Variants in DEPDC1B observed in about 807,000 individuals in gnomAD.
DEPDC1B encodes DEP domain-containing protein 1B.
In DEPDC1B, 51 loss-of-function variants were observed where a neutral mutation model predicts 66.5. That is an observed-to-expected ratio of 0.77 (90% CI 0.61 to 0.97). The LOEUF is 0.97. Among genes scored for constraint, DEPDC1B ranks in the 50% least tolerant of loss-of-function variants. DEPDC1B has a pLI of 0.00. For missense variants in DEPDC1B, 552 were observed against 637.1 expected, an observed-to-expected ratio of 0.87 and a Z score of 1.44; for synonymous variants, 226 against 223.6, an observed-to-expected ratio of 1.01 and a Z score of -0.10.
At position 60,613,833 on chromosome 5, in the gene DEPDC1B, C is replaced by T. The variant is rs796362332; in HGVS notation, c.899-7977G>A. ...GTGTGTGTGTGTGTGTGTGTGTATACATAAAAAACAGATGTAGGGTCATTG... is the reference window on the plus strand; with the variant it reads ...GTGTGTGTGTGTGTGTGTGTGTATATATAAAAAACAGATGTAGGGTCATTG... On this transcript the variant is annotated intron_variant, in intron 7 of 10. Transcript: ENST00000265036. Among the ~76,000 whole-genome samples, 151 of 62,308 alleles carry T rather than the reference C, an allele frequency of 2.4e-3. 1 individual carries two copies. Among genetic ancestry groups the T allele is most frequent in the African/African-American group, 9.2e-3 (131 of 14,300 alleles). 40.9% of individuals were successfully genotyped at this position (62,308 alleles called of 152,430 possible).
rs1177080928 is a variant in DEPDC1B, at chr5:60,597,226, A to G, written c.*527T>C. On this transcript the variant is annotated 3_prime_UTR_variant, in exon 11 of 11. Transcript: ENST00000265036. ...TAAATCTGCAATAAAAGACATAGCT[A>G]TCACAATATAAGACATTAAAAAATT... 6.5e-6 allele frequency: 1 copy of G among 152,698 alleles called. No homozygotes were observed. Among genetic ancestry groups the G allele is most frequent in the African/African-American group, 2.4e-5 (1 of 41,464 alleles). The allele number at this position is 152,698 out of a possible 1,614,324, so 9.5% of individuals were successfully genotyped here.
chr5:60,616,661 T>C (rs1338573018), intron 7 of DEPDC1B, among the ~76,000 whole-genome samples: 2 of 152,170 alleles, frequency 1.3e-5, no homozygotes, highest in African/African-American at 2.4e-5. Flanking sequence ...CTATATCTGA[T>C]TGGTGTACCT....
At chr5:60,651,411 C>A (rs530089409) in intron 2 of DEPDC1B, among the ~76,000 whole-genome samples, 1 of 151,776 alleles carries the variant, frequency 6.6e-6, no homozygotes, top group Non-Finnish European at 1.5e-5. Flanking sequence ...GCCTGTAATT[C>A]CAGCTACTCG....
intron 2 of DEPDC1B, among the ~76,000 whole-genome samples, chr5:60,679,717 G>C (rs551327448): frequency 6.6e-6 from 1 of 152,262 alleles, no homozygotes; most frequent in South Asian, 2.1e-4. Context: ...AGTGATGAGA[G>C]CAAGTCAGGA....
At chr5:60,650,966 C>T (rs954780741) in intron 2 of DEPDC1B, among the ~76,000 whole-genome samples, 1 of 152,192 alleles carries the variant, frequency 6.6e-6, no homozygotes, top group African/African-American at 2.4e-5. Context: ...TCTTGTATAA[C>T]TCATTATTAT....
chr5:60,615,520 G>T (rs887740530), intron 7 of DEPDC1B, among the ~76,000 whole-genome samples: 2 of 152,220 alleles, frequency 1.3e-5, no homozygotes, highest in Admixed American at 6.5e-5. Context: ...GGCTCGGAGG[G>T]TCCTACGCCC....
intron 2 of DEPDC1B, among the ~76,000 whole-genome samples, chr5:60,653,517 G>A (rs774642407): frequency 2.2e-4 from 33 of 152,048 alleles, no homozygotes; most frequent in Admixed American, 3.9e-4. Context: ...TGTCAGGTGC[G>A]TACTTTGTGA....
chr5:60,613,128 A>G (rs1437124430), intron 7 of DEPDC1B, among the ~76,000 whole-genome samples: 1 of 152,222 alleles, frequency 6.6e-6, no homozygotes, highest in African/African-American at 2.4e-5. Context: ...CAAAGTCTGC[A>G]TAACAAAAAC....
chr5:60,615,337 G>T (rs891974270), intron 7 of DEPDC1B, among the ~76,000 whole-genome samples: 1 of 152,146 alleles, frequency 6.6e-6, no homozygotes. Flanking sequence ...GTGAGCCAAA[G>T]AATGGTGACG....
chr5:60,696,192 T>G (rs1220982933), intron 1 of DEPDC1B, among the ~76,000 whole-genome samples: 1 of 152,216 alleles, frequency 6.6e-6, no homozygotes, highest in Non-Finnish European at 1.5e-5. Flanking sequence ...TTCAATTCAT[T>G]GCATTCTCCC....
intron 2 of DEPDC1B, among the ~76,000 whole-genome samples, chr5:60,685,686 A>C (rs1470428680): frequency 6.6e-6 from 1 of 152,192 alleles, no homozygotes; most frequent in East Asian, 1.9e-4. Context: ...TCATCCAGAG[A>C]ATCTTTCAGA....
rs78644736 is a variant in DEPDC1B at position 60,692,459 on chromosome 5, T to C, written c.49-5232A>G. 3.7e-3 allele frequency among the ~76,000 whole-genome samples: 562 copies of C among 152,282 alleles called. 5 individuals are homozygous for C. The highest frequency in any genetic ancestry group is 0.024 in the East Asian group (123 of 5,188). On this transcript the variant is annotated intron_variant, in intron 1 of 10. Coordinates refer to ENST00000265036, the MANE Select transcript of DEPDC1B (RefSeq NM_018369.3). ...TATATACAACTATAATTTGTCAGTT[T>C]ACAACTTACAAAACTAAAATTTTTT...
chr5:60,641,550 T>C (rs956693893), intron 6 of DEPDC1B, among the ~76,000 whole-genome samples: 2 of 151,940 alleles, frequency 1.3e-5, no homozygotes, highest in African/African-American at 4.8e-5. Flanking sequence ...ATGGTCTCCA[T>C]CTCCTGACCT....
At chr5:60,634,587 G>A (rs2111835552) in intron 7 of DEPDC1B, among the ~76,000 whole-genome samples, 1 of 151,286 alleles carries the variant, frequency 6.6e-6, no homozygotes, top group African/African-American at 2.4e-5. Flanking sequence ...CAGGAGAATG[G>A]TGTGAACCCA....
At chr5:60,620,142 A>C (rs1752668223) in intron 7 of DEPDC1B, among the ~76,000 whole-genome samples, 1 of 152,236 alleles carries the variant, frequency 6.6e-6, no homozygotes, top group Admixed American at 6.5e-5. Context: ...AATTAATTCA[A>C]GATGGATTAA....
chr5:60,663,485 A>G (rs959344442), intron 2 of DEPDC1B, among the ~76,000 whole-genome samples: 1 of 152,196 alleles, frequency 6.6e-6, no homozygotes, highest in South Asian at 2.1e-4. Flanking sequence ...ATGCTTTCCC[A>G]AATACCAGAG....
In DEPDC1B at chr5:60,653,111, T is replaced by G. The variant is rs375986720; in HGVS notation, c.315-5578A>C. 4.1e-4 allele frequency among the ~76,000 whole-genome samples: 61 copies of G among 149,480 alleles called. 7 individuals carry two copies. The highest frequency in any genetic ancestry group is 1.5e-3 in the African/African-American group (59 of 39,790). On this transcript the variant is annotated intron_variant, in intron 2 of 10. Coordinates refer to ENST00000265036, the MANE Select transcript of DEPDC1B (RefSeq NM_018369.3). ...TTTTTCGTATAATGACTTCCTTTCC[T>G]CTGGGTCGATACCCAGTTGTGGGAT...
intron 2 of DEPDC1B, among the ~76,000 whole-genome samples, chr5:60,660,257 GGAGAGAGACAGA>G (rs1171816106): frequency 1.2e-4 from 18 of 147,098 alleles, no homozygotes; most frequent in South Asian, 2.2e-4. Flanking sequence ...GAGACAGAGA[GGAGAGAGACAGA>G]GAGAGAGACA....
At chr5:60,668,180 ATT>A (rs1444455687) in intron 2 of DEPDC1B, among the ~76,000 whole-genome samples, 450 of 7,272 alleles carry the variant, frequency 0.062, 117 homozygotes, top group Middle Eastern at 0.2. Flanking sequence ...TAAAATGGAT[ATT>A]TTATATATAT....
Sources: allele counts gnomAD v4.1 joint callset (sites outside exome capture counted in the v4.1 genomes callset), GRCh38; gene constraint gnomAD v4.1.1; transcripts MANE v1.5; gene names NCBI Gene and HGNC (gene_info 2026-07-23, HGNC 2026-07-21).